Variants in DPH7 observed in about 807,000 individuals in gnomAD.
DPH7 encodes the protein diphthamide biosynthesis 7, also known as diphthine methyltransferase.
A neutral mutation model predicts 41.7 loss-of-function variants in DPH7; 44 were observed. That is an observed-to-expected ratio of 1.05 (90% CI 0.83 to 1.36). The LOEUF (loss-of-function observed/expected upper bound fraction) is 1.36. DPH7 is among the 40% of genes most tolerant of loss of function. DPH7 has a pLI of 0.00. For missense variants in DPH7, 629 were observed against 577.5 expected, an observed-to-expected ratio of 1.09 and a Z score of -0.91; for synonymous variants, 275 against 238.0, an observed-to-expected ratio of 1.16 and a Z score of -1.43.
At chr9:137,574,950 T>C (rs1450119481) in intron 3 of DPH7, 107 bp from the exon 4 acceptor site, 5 of 1,545,472 alleles carry the variant, frequency 3.2e-6, no homozygotes, top group Non-Finnish European at 4.4e-6. Context: ...TTACAACCTA[T>C]GCGAATGAAG....
In DPH7 at chr9:137,574,751, C is replaced by A; in HGVS notation, c.467+1G>T. ...GACCCCTGACCAAGCCTGGCCCTTA[C>A]CTTCCAGTTTTCCCAGTGGACCAAT... On this transcript the variant is annotated splice_donor_variant, in intron 4 of 8. Coordinates refer to ENST00000277540, the MANE Select transcript of DPH7 (RefSeq NM_138778.5). LOFTEE classifies it high-confidence loss of function. The A allele has an allele frequency of 6.2e-7, 1 of 1,613,954 alleles. No individual in the cohort carries two copies. The highest frequency in any genetic ancestry group is 8.5e-7 in the Non-Finnish European group (1 of 1,179,984).
intron 8 of DPH7, among the ~76,000 whole-genome samples, chr9:137,561,423 C>G (rs1396338793): frequency 6.6e-6 from 1 of 151,686 alleles, no homozygotes; most frequent in Admixed American, 6.6e-5. Context: ...GCCTGTATTC[C>G]CAGCTACTCG....
chr9:137,573,099 C>G (rs1166102653), intron 5 of DPH7, among the ~76,000 whole-genome samples: 1 of 152,206 alleles, frequency 6.6e-6, no homozygotes, highest in Non-Finnish European at 1.5e-5. Flanking sequence ...AGGTGGCTCA[C>G]GCCTGTAATC....
At chr9:137,577,391 T>C in intron 2 of DPH7, 79 bp downstream of exon 2, 4 of 1,402,952 alleles carry the variant, frequency 2.9e-6, no homozygotes, top group Non-Finnish European at 4.0e-6. Flanking sequence ...GCCTGTCTTG[T>C]TGAAGGCATC....
At chr9:137,555,768 G>T in intron 8 of DPH7, 120 bp from the exon 9 acceptor site, 2 of 1,175,908 alleles carry the variant, frequency 1.7e-6, no homozygotes, top group Non-Finnish European at 2.3e-6. Flanking sequence ...AGTGTTTCCT[G>T]AGGAGCCGTT....
rs368026956 is a variant in DPH7, at chr9:137,578,857, G to C, written c.-80C>G. On this transcript the variant is annotated 5_prime_UTR_variant, in exon 1 of 9. Transcript: ENST00000277540. ...GGCTGGGTACTGCGCGGGGCGGCGA[G>C]GCCGGGGCCGGCCGGACGAGCGCAG... is the stretch of plus-strand genomic sequence containing the variant. 1 of 1,296,910 alleles carries C rather than the reference G, an allele frequency of 7.7e-7. No individual in the cohort carries two copies. The highest frequency in any genetic ancestry group is 9.9e-7 in the Non-Finnish European group (1 of 1,012,766). 80.3% of individuals were successfully genotyped at this position (1,296,910 alleles called of 1,614,324 possible).
chr9:137,578,866 C>A lies in DPH7; in HGVS notation c.-89G>T. 1 of 1,287,338 alleles carries A rather than the reference C, an allele frequency of 7.8e-7. No homozygotes were observed. Among genetic ancestry groups the A allele is most frequent in the Non-Finnish European group, 9.9e-7 (1 of 1,005,652 alleles). 79.7% of individuals were successfully genotyped at this position (1,287,338 alleles called of 1,614,324 possible). A position where few individuals can be genotyped will look rare whatever the true frequency, so the allele number is the denominator to read the frequency against. ...CTGCGCGGGGCGGCGAGGCCGGGGC[C>A]GGCCGGACGAGCGCAGAGCCCCAGG... On this transcript the variant is annotated 5_prime_UTR_variant, in exon 1 of 9. Transcript: ENST00000277540.
intron 8 of DPH7, among the ~76,000 whole-genome samples, chr9:137,564,127 G>A (rs1366989336): frequency 3.9e-5 from 6 of 152,326 alleles, no homozygotes; most frequent in Non-Finnish European, 7.4e-5. Flanking sequence ...GGTTATGGGA[G>A]TGATGGGTGG....
In DPH7 at chr9:137,556,857, G is replaced by T. The variant is rs1837594935; in HGVS notation, c.950-1209C>A. On this transcript the variant is annotated intron_variant, in intron 8 of 8. Coordinates refer to ENST00000277540, the MANE Select transcript of DPH7 (RefSeq NM_138778.5). This position sits in a 1 kb window ranked among gnomAD's most constrained non-coding sequence, Gnocchi z 5.2. ...AAGGCAGAGTCTAAGCCCTCAGAGA[G>T]CCACAGCCTGGGAAAAAGACAGCGA... 2.2e-6 allele frequency: 1 copy of T among 456,552 alleles called. No individual in the cohort carries two copies. 28.3% of individuals were successfully genotyped at this position (456,552 alleles called of 1,614,324 possible).
At chr9:137,576,346 A>T (rs1841383615) in intron 2 of DPH7, 179 bp from the exon 3 acceptor site, 1 of 596,986 alleles carries the variant, frequency 1.7e-6, no homozygotes, top group Admixed American at 2.7e-5. Flanking sequence ...CCTATGCCAC[A>T]AACCTTACAG....
At chr9:137,561,562 A>AAAG (rs1838606365) in intron 8 of DPH7, among the ~76,000 whole-genome samples, 4 of 151,026 alleles carry the variant, frequency 2.6e-5, no homozygotes, top group Non-Finnish European at 5.9e-5. Context: ...AAAAAAAAAA[A>AAAG]GCATGACCCC....
At position 137,574,377 on chromosome 9, in the gene DPH7, G is replaced by A. The variant is rs777657933; in HGVS notation, c.471C>T (p.Ala157=). The part of the protein sequence containing the change: ...LDWSTGKTGR[A]GDQPLKIISS... ...TGATGATCTTCAAGGGCTGGTCCCC[G>A]GCCCTAGACACAGGGAACCCATGAA... The change falls in exon 5 of 9, where the codon GCC becomes GCT. Residue 157 remains alanine, a synonymous_variant. Coordinates refer to ENST00000277540, the MANE Select transcript of DPH7 (RefSeq NM_138778.5). 24 of 1,612,690 alleles carry A rather than the reference G, an allele frequency of 1.5e-5. No homozygotes were observed. The highest frequency in any genetic ancestry group is 2.0e-5 in the Non-Finnish European group (23 of 1,179,276).
rs963608377 is a variant in DPH7 at position 137,556,224 on chromosome 9, C to T, written c.950-576G>A. On this transcript the variant is annotated intron_variant, in intron 8 of 8. Coordinates refer to ENST00000277540, the MANE Select transcript of DPH7 (RefSeq NM_138778.5). This position sits in a 1 kb window ranked among gnomAD's most constrained non-coding sequence, Gnocchi z 5.2. Reference sequence around the variant, plus strand: ...AGCAGTTTCTTTATAGAAGTTGCTACGGCAACTGGAAAGAGGCCACAACTG... The same window carrying T: ...AGCAGTTTCTTTATAGAAGTTGCTATGGCAACTGGAAAGAGGCCACAACTG... 5.9e-5 allele frequency among the ~76,000 whole-genome samples: 9 copies of T among 152,140 alleles called. No individual in the cohort carries two copies. The highest frequency in any genetic ancestry group is 1.2e-4 in the African/African-American group (5 of 41,420).
At chr9:137,570,085 A>ACCAT (rs771414984) in intron 5 of DPH7, among the ~76,000 whole-genome samples, 16 of 148,796 alleles carry the variant, frequency 1.1e-4, no homozygotes, top group Non-Finnish European at 1.9e-4. Flanking sequence ...TCATCCACCC[A>ACCAT]CCATCCATCC....
At chr9:137,574,946 C>T in intron 3 of DPH7, 103 bp from the exon 4 acceptor site, 1 of 1,555,904 alleles carries the variant, frequency 6.4e-7, no homozygotes, top group Non-Finnish European at 8.7e-7. Context: ...TCATTTACAA[C>T]CTATGCGAAT....
In DPH7 at chr9:137,578,746, T is replaced by C. The variant is rs753049264; in HGVS notation, c.32A>G (p.Asp11Gly). The change falls in exon 1 of 9, where the codon GAC becomes GGC. Residue 11 changes from aspartate (D) to glycine (G), a missense_variant. By Grantham distance (94) the Asp-to-Gly change is moderately conservative. Coordinates refer to ENST00000277540, the MANE Select transcript of DPH7 (RefSeq NM_138778.5). ...CACCGAGTCCGCGGTCAGCTCGGTG[T>C]CCACCGTTTGCAGGGCGAAACAGCC... The part of the protein sequence containing the change: MMGCFALQTV[D>G]TELTADSVEW... 17 of 1,523,784 alleles carry C rather than the reference T, an allele frequency of 1.1e-5. No individual in the cohort carries two copies. Among genetic ancestry groups the C allele is most frequent in the Non-Finnish European group, 1.2e-5 (14 of 1,137,570 alleles). 94.4% of individuals were successfully genotyped at this position (1,523,784 alleles called of 1,614,324 possible). A position where few individuals can be genotyped will look rare whatever the true frequency, so the allele number is the denominator to read the frequency against.
At chr9:137,575,914 C>T (rs750654664) in intron 3 of DPH7, 166 bp downstream of exon 3, 83 of 1,425,218 alleles carry the variant, frequency 5.8e-5, no homozygotes, top group Non-Finnish European at 7.1e-5. Flanking sequence ...GGATGTAGAA[C>T]GCAATACAAC....
chr9:137,573,133 G>A (rs1389536207), intron 5 of DPH7, among the ~76,000 whole-genome samples: 3 of 152,062 alleles, frequency 2.0e-5, no homozygotes, highest in Non-Finnish European at 4.4e-5. Flanking sequence ...AGGCCGAGGC[G>A]AGTGGATCAC....
intron 1 of DPH7, chr9:137,577,921 T>C: frequency 1.1e-5 from 11 of 974,444 alleles, no homozygotes; most frequent in Non-Finnish European, 1.1e-5. Context: ...GATCCTAATA[T>C]GTACCCACCA....
Sources: gnomAD v4.1 joint callset for allele counts (sites outside exome capture counted in the v4.1 genomes callset) on GRCh38, gnomAD v4.1.1 for gene constraint, Gnocchi (gnomAD v3.1) non-coding constraint, MANE v1.5 for transcripts, NCBI Gene and HGNC (gene_info 2026-07-23, HGNC 2026-07-21) for gene names.